CCNYL1: variants seen among roughly 807,000 people sequenced by gnomAD.
CCNYL1 encodes cyclin Y like 1, also known as cyclin-Y-like protein 1.
Under a neutral mutation model 44.2 loss-of-function variants are expected in CCNYL1, and 16 were observed. The observed-to-expected ratio is 0.36, with a 90% CI of 0.25 to 0.55. The LOEUF is 0.55. Among genes scored for constraint, CCNYL1 ranks in the 20% least tolerant of loss-of-function variants. The pLI is 0.85. For synonymous variants in CCNYL1, 159 were observed against 163.2 expected (o/e 0.97, Z 0.20); for missense variants, 348 against 451.8 (o/e 0.77, Z 2.08).
intron 3 of CCNYL1, among the ~76,000 whole-genome samples, chr2:207,733,373 G>T (rs2091743563): frequency 6.6e-6 from 1 of 152,194 alleles, no homozygotes; most frequent in Non-Finnish European, 1.5e-5. Flanking sequence ...ATATTAAAGT[G>T]ATACTTTTTC....
chr2:207,715,740 G>A (rs189113456), intron 1 of CCNYL1, among the ~76,000 whole-genome samples: 3 of 146,616 alleles, frequency 2.0e-5, no homozygotes, highest in South Asian at 4.3e-4. Context: ...GGAATGGCGC[G>A]ATCTCGGCTC....
intron 1 of CCNYL1, among the ~76,000 whole-genome samples, chr2:207,720,563 C>T (rs1321484821): frequency 6.6e-6 from 1 of 151,958 alleles, no homozygotes; most frequent in African/African-American, 2.4e-5. Flanking sequence ...CATGTGCCTC[C>T]ACACCCAACT....
At chr2:207,733,744 C>T (rs889555978) in intron 3 of CCNYL1, among the ~76,000 whole-genome samples, 3 of 152,212 alleles carry the variant, frequency 2.0e-5, no homozygotes, top group African/African-American at 7.2e-5. Context: ...AGCAGCATTT[C>T]ATAACCCATT....
At chr2:207,716,715 C>G (rs17639890) in intron 1 of CCNYL1, among the ~76,000 whole-genome samples, 1 of 151,984 alleles carries the variant, frequency 6.6e-6, no homozygotes, top group Non-Finnish European at 1.5e-5. Context: ...TCAAGGGTAC[C>G]GATAAAAACA....
chr2:207,732,484 C>T (rs1575215580), intron 3 of CCNYL1, among the ~76,000 whole-genome samples: 2 of 152,138 alleles, frequency 1.3e-5, no homozygotes, highest in East Asian at 1.9e-4. Flanking sequence ...ATGACTAGAC[C>T]TTCTCCCTGC....
chr2:207,735,736 G>A (rs538080978), intron 4 of CCNYL1, among the ~76,000 whole-genome samples: 108 of 152,120 alleles, frequency 7.1e-4, no homozygotes, highest in Middle Eastern at 3.4e-3. Context: ...GCGTGGTGGC[G>A]TGCACCTGTA....
At chr2:207,717,820 T>G (rs2091608383) in intron 1 of CCNYL1, among the ~76,000 whole-genome samples, 1 of 151,912 alleles carries the variant, frequency 6.6e-6, no homozygotes, top group South Asian at 2.1e-4. Context: ...AGGCCATGTG[T>G]GTATAGTGGG....
chr2:207,714,974 G>C (rs1488572685), intron 1 of CCNYL1: 1 of 152,178 alleles, frequency 6.6e-6, no homozygotes, highest in African/African-American at 2.4e-5. Flanking sequence ...TTCTTACTGA[G>C]ATGTAAAACA....
At chr2:207,744,305 A>T (rs1157460041) in intron 7 of CCNYL1, among the ~76,000 whole-genome samples, 1 of 151,736 alleles carries the variant, frequency 6.6e-6, no homozygotes, top group Non-Finnish European at 1.5e-5. Flanking sequence ...GAAAGAGTGG[A>T]GGAGGTTGAG....
At chr2:207,748,401 A>G (rs2091870196) in intron 8 of CCNYL1, among the ~76,000 whole-genome samples, 1 of 152,174 alleles carries the variant, frequency 6.6e-6, no homozygotes, top group Non-Finnish European at 1.5e-5. Flanking sequence ...AGATGGCACC[A>G]ATATGACCCT....
At chr2:207,726,756 G>A (rs993922033) in intron 2 of CCNYL1, 86 bp from the exon 3 acceptor site, 6 of 823,820 alleles carry the variant, frequency 7.3e-6, no homozygotes, top group African/African-American at 3.6e-5. Flanking sequence ...ATCTCATTTT[G>A]TATATTGTTA....
chr2:207,751,964 G>A (rs2091895500), intron 9 of CCNYL1, among the ~76,000 whole-genome samples: 1 of 152,050 alleles, frequency 6.6e-6, no homozygotes, highest in Admixed American at 6.6e-5. Context: ...GAACCTGGGA[G>A]GCGGAGGTTG....
Position 207,711,860 on chromosome 2 carries a change from G to A in CCNYL1, c.-37G>A, listed in dbSNP as rs1466598072. ...TGTTGAGGGCGGCGGAGTAGGGGGC[G>A]AGCGAAGGCGGTGGCAGAGAGGAGC... is the stretch of plus-strand genomic sequence containing the variant. On this transcript the variant is annotated 5_prime_UTR_variant, in exon 1 of 10. Transcript: ENST00000295414. 1 of 1,332,942 alleles carries A rather than the reference G, an allele frequency of 7.5e-7. No individual in the cohort carries two copies. Among genetic ancestry groups the A allele is most frequent in the Non-Finnish European group, 9.7e-7 (1 of 1,028,838 alleles). The allele number at this position is 1,332,942 out of a possible 1,614,324, so 82.6% of individuals were successfully genotyped here. A position where few individuals can be genotyped will look rare whatever the true frequency, so the allele number is the denominator to read the frequency against.
chr2:207,713,116 T>G (rs1180946994), intron 1 of CCNYL1, among the ~76,000 whole-genome samples: 4 of 152,202 alleles, frequency 2.6e-5, no homozygotes, highest in Admixed American at 2.6e-4. Flanking sequence ...GCCCAGAGGT[T>G]GTTAACTCAA....
At chr2:207,722,198 G>A (rs2551953) in intron 1 of CCNYL1, among the ~76,000 whole-genome samples, 19,430 of 150,988 alleles carry the variant, frequency 0.13, 2,148 homozygotes, top group East Asian at 0.38. Context: ...TCAGCCTCCC[G>A]AGTAGCTGGG....
chr2:207,712,099 A>G lies in CCNYL1; in HGVS notation c.203A>G (p.Asp68Gly). 1.3e-6 allele frequency: 2 copies of G among 1,599,676 alleles called. No homozygotes were observed. Among genetic ancestry groups the G allele is most frequent in the Non-Finnish European group, 1.7e-6 (2 of 1,174,260 alleles). ...GGCCACCACCTGCAGCACATCAGCG[A>G]CCGCGAGATGCCCGAAGGTAAGGAG... ...GEGHHLQHISDREMPEDLALE... is the reference protein window; with the variant it reads ...GEGHHLQHISGREMPEDLALE... The change falls in exon 1 of 10, where the codon GAC becomes GGC. Residue 68 changes from aspartate to glycine, a missense_variant. Physicochemically the swap from Asp to Gly is moderately conservative, Grantham distance 94 (BLOSUM62 -1). Coordinates refer to ENST00000295414, the MANE Select transcript of CCNYL1 (RefSeq NM_001330218.2).
At chr2:207,746,465 G>T (rs1257352588) in intron 7 of CCNYL1, among the ~76,000 whole-genome samples, 1 of 152,196 alleles carries the variant, frequency 6.6e-6, no homozygotes, top group Non-Finnish European at 1.5e-5. Flanking sequence ...GGTGATAAGA[G>T]TGCCTCTCTT....
At chr2:207,751,243 C>A in intron 9 of CCNYL1, 124 bp downstream of exon 9, 1 of 758,016 alleles carries the variant, frequency 1.3e-6, no homozygotes, top group Non-Finnish European at 2.1e-6. Flanking sequence ...CACTGAAGAG[C>A]TTATTAGCCC....
intron 9 of CCNYL1, among the ~76,000 whole-genome samples, chr2:207,753,018 ACT>A (rs944351814): frequency 6.6e-6 from 1 of 151,300 alleles, no homozygotes; most frequent in East Asian, 1.9e-4. Flanking sequence ...AACGAGCGAA[ACT>A]CTGCCTCAAA....
Sources: gnomAD v4.1 joint callset for allele counts (sites outside exome capture counted in the v4.1 genomes callset) on GRCh38, gnomAD v4.1.1 for gene constraint, MANE v1.5 for transcripts, NCBI Gene and HGNC (gene_info 2026-07-23, HGNC 2026-07-21) for gene names.